Variants in SIPA1L3 observed in about 807,000 individuals in gnomAD.
SIPA1L3 encodes signal-induced proliferation-associated 1-like protein 3.
A neutral mutation model predicts 150.1 loss-of-function variants in SIPA1L3; 59 were observed. The observed-to-expected ratio is 0.39, with a 90% confidence interval of 0.32 to 0.49. The LOEUF is 0.49. Among genes scored for constraint, SIPA1L3 ranks in the 20% least tolerant of loss-of-function variants. The pLI, the probability that SIPA1L3 is intolerant of heterozygous loss-of-function variation, is 0.86. For missense variants in SIPA1L3, 2,211 were observed against 2,489.5 expected (o/e 0.89, Z 2.38); for synonymous variants, 1,070 against 1,077.6 (o/e 0.99, Z 0.14).
chr19:38,022,579 G>A (rs1161793755), intron 1 of SIPA1L3, among the ~76,000 whole-genome samples: 3 of 151,356 alleles, frequency 2.0e-5, no homozygotes, highest in African/African-American at 4.9e-5. Context: ...GTGGTGGCAG[G>A]TGCCTCTAGT....
chr19:38,124,297 G>C (rs1971113794), intron 9 of SIPA1L3, among the ~76,000 whole-genome samples: 1 of 150,774 alleles, frequency 6.6e-6, no homozygotes, highest in Non-Finnish European at 1.5e-5. Flanking sequence ...GGGCGGCCGG[G>C]CAGAGACGCT....
chr19:38,071,119 G>A (rs1047645161), intron 2 of SIPA1L3, among the ~76,000 whole-genome samples: 3 of 152,108 alleles, frequency 2.0e-5, no homozygotes, highest in African/African-American at 7.2e-5. Context: ...GCTTGCCTTG[G>A]GTCACAGACC....
At chr19:38,106,671 C>T (rs781060602) in intron 7 of SIPA1L3, 31 bp downstream of exon 7, 5 of 1,475,690 alleles carry the variant, frequency 3.4e-6, no homozygotes, top group Non-Finnish European at 3.8e-6. Flanking sequence ...GCACGGCTGC[C>T]GGATGTTGGC....
intron 2 of SIPA1L3, among the ~76,000 whole-genome samples, chr19:38,080,534 T>TG (rs552993826): frequency 7.4e-4 from 112 of 152,170 alleles, no homozygotes; most frequent in African/African-American, 2.6e-3. Flanking sequence ...GAGACAATGA[T>TG]GGGAAATGTA....
chr19:38,110,196 G>T (rs760098430), intron 7 of SIPA1L3, 31 bp from the exon 8 acceptor site: 1 of 1,610,136 alleles, frequency 6.2e-7, no homozygotes, highest in Non-Finnish European at 8.5e-7. Flanking sequence ...CCTGTGACAG[G>T]TTCCTGTCCC....
intron 10 of SIPA1L3, among the ~76,000 whole-genome samples, chr19:38,131,421 G>T (rs1394014277): frequency 6.6e-6 from 1 of 152,128 alleles, no homozygotes; most frequent in East Asian, 1.9e-4. Flanking sequence ...AGCCTCCCCA[G>T]TGTACATGGG....
chr19:38,202,529 A>G (rs1032671289), intron 20 of SIPA1L3, among the ~76,000 whole-genome samples: 1 of 152,074 alleles, frequency 6.6e-6, no homozygotes, highest in Non-Finnish European at 1.5e-5. Context: ...CGAAGCTTGC[A>G]GTGAGCCAAG....
intron 1 of SIPA1L3, among the ~76,000 whole-genome samples, chr19:37,940,621 C>T (rs2046645732): frequency 6.6e-6 from 1 of 152,180 alleles, no homozygotes; most frequent in African/African-American, 2.4e-5. Flanking sequence ...TGTGAAGCCT[C>T]ATTTAATCTA....
At chr19:38,104,333 T>G (rs1297722919) in intron 6 of SIPA1L3, among the ~76,000 whole-genome samples, 1 of 152,224 alleles carries the variant, frequency 6.6e-6, no homozygotes, top group East Asian at 1.9e-4. Flanking sequence ...GCTTTGCCTC[T>G]CTCGACCTCA....
intron 15 of SIPA1L3, among the ~76,000 whole-genome samples, chr19:38,177,530 C>CA (rs944152954): frequency 4.0e-5 from 6 of 151,542 alleles, no homozygotes; most frequent in Admixed American, 2.0e-4. Flanking sequence ...GAAAAAAGGA[C>CA]AAAAAAAAGT....
intron 1 of SIPA1L3, among the ~76,000 whole-genome samples, chr19:37,933,406 TCTTTG>T (rs1275338521): frequency 6.6e-6 from 1 of 152,104 alleles, no homozygotes; most frequent in African/African-American, 2.4e-5. Flanking sequence ...TCGCCCTTAC[TCTTTG>T]CTTTATTTTT....
At chr19:37,937,480 T>C (rs531019923) in intron 1 of SIPA1L3, among the ~76,000 whole-genome samples, 1 of 152,076 alleles carries the variant, frequency 6.6e-6, no homozygotes, top group South Asian at 2.1e-4. Context: ...GGCTCATGTG[T>C]GTAATCCCAG....
chr19:38,144,375 G>A (rs1171901565), intron 12 of SIPA1L3, among the ~76,000 whole-genome samples: 1 of 152,260 alleles, frequency 6.6e-6, no homozygotes, highest in Non-Finnish European at 1.5e-5. Context: ...TGAAAGGATG[G>A]AGTGAGTGGG....
chr19:38,013,128 TC>T (rs1472975828), intron 1 of SIPA1L3, among the ~76,000 whole-genome samples: 2 of 152,158 alleles, frequency 1.3e-5, no homozygotes, highest in Admixed American at 6.5e-5. Flanking sequence ...TGCCTCCTGC[TC>T]CGAGTTTCTC....
intron 8 of SIPA1L3, among the ~76,000 whole-genome samples, chr19:38,117,615 T>G (rs1970916506): frequency 7.0e-6 from 1 of 142,690 alleles, no homozygotes; most frequent in African/African-American, 2.8e-5. Context: ...TGATACTCCA[T>G]CTCAGAAAAA....
chr19:38,059,647 A>G (rs917318922), intron 2 of SIPA1L3, among the ~76,000 whole-genome samples: 4 of 152,262 alleles, frequency 2.6e-5, no homozygotes, highest in South Asian at 2.1e-4. Flanking sequence ...ACATACATAC[A>G]GACAAGCATG....
chr19:37,936,907 C>A (rs192195058), intron 1 of SIPA1L3, among the ~76,000 whole-genome samples: 47 of 152,350 alleles, frequency 3.1e-4, no homozygotes, highest in Non-Finnish European at 5.7e-4. Context: ...TCATTGGTCT[C>A]ATCTGTCAGT....
At chr19:38,139,296 A>T (rs1971518211) in intron 10 of SIPA1L3, among the ~76,000 whole-genome samples, 1 of 152,156 alleles carries the variant, frequency 6.6e-6, no homozygotes, top group African/African-American at 2.4e-5. Flanking sequence ...TGCTTGGAGA[A>T]AGCTTCTAAT....
chr19:37,931,476 G>T (rs950775848), intron 1 of SIPA1L3, among the ~76,000 whole-genome samples: 2 of 152,192 alleles, frequency 1.3e-5, no homozygotes, highest in Non-Finnish European at 2.9e-5. Context: ...GCCGGCCGCG[G>T]TGGCTCATGC....
Sources: allele counts gnomAD v4.1 joint callset (sites outside exome capture counted in the v4.1 genomes callset), GRCh38; gene constraint gnomAD v4.1.1; transcripts MANE v1.5; gene names NCBI Gene and HGNC (gene_info 2026-07-23, HGNC 2026-07-21).